The following CLASP1 variants were observed in gnomAD, a reference collection of about 807,000 sequenced individuals.
CLASP1 encodes cytoplasmic linker associated protein 1.
A neutral mutation model predicts 192.3 loss-of-function variants in CLASP1; 38 were observed. That is an observed-to-expected ratio of 0.20 (90% CI 0.15 to 0.26). CLASP1 has a LOEUF of 0.26. Ranked by LOEUF, CLASP1 falls within the 10% of genes least tolerant of loss-of-function variation. CLASP1 has a pLI of 1.00. For missense variants in CLASP1, 1,433 were observed against 1,932.5 expected (o/e 0.74, Z 4.85); for synonymous variants, 691 against 712.8 (o/e 0.97, Z 0.49).
chr2:121,438,815 G>A (rs2082759762), intron 19 of CLASP1, among the ~76,000 whole-genome samples: 1 of 150,874 alleles, frequency 6.6e-6, no homozygotes, highest in African/African-American at 2.4e-5. Context: ...TCTCTGCCTG[G>A]CTTTGGTATC....
At chr2:121,371,658 G>A (rs2068760721) in intron 34 of CLASP1, among the ~76,000 whole-genome samples, 1 of 152,034 alleles carries the variant, frequency 6.6e-6, no homozygotes, top group Admixed American at 6.6e-5. Flanking sequence ...TCCTTCCACT[G>A]CCCTGAGAAA....
At chr2:121,377,524 C>A (rs774450164) in exon 34 of CLASP1, 9 of 1,604,744 alleles carry the variant, frequency 5.6e-6, no homozygotes, top group Non-Finnish European at 2.6e-6. Context: ...TTTGCCATCT[C>A]GTTTAATTGG....
intron 25 of CLASP1, 35 bp downstream of exon 26, chr2:121,407,436 T>C: frequency 3.7e-6 from 6 of 1,611,316 alleles, no homozygotes; most frequent in Non-Finnish European, 5.1e-6. Flanking sequence ...AACAGGAGAT[T>C]CAAACTTAGC....
At chr2:121,524,705 C>T (rs1333959969) in intron 6 of CLASP1, among the ~76,000 whole-genome samples, 2 of 152,182 alleles carry the variant, frequency 1.3e-5, no homozygotes, top group African/African-American at 2.4e-5. Context: ...GATCCACCCA[C>T]CTTGGCCTCC....
intron 8 of CLASP1, among the ~76,000 whole-genome samples, chr2:121,480,201 C>T (rs750338023): frequency 4.6e-5 from 7 of 152,144 alleles, no homozygotes; most frequent in East Asian, 1.9e-4. Context: ...TCAAATGGGA[C>T]GACACCGGGG....
chr2:121,372,749 T>C (rs879565590), intron 34 of CLASP1, among the ~76,000 whole-genome samples: 1 of 152,212 alleles, frequency 6.6e-6, no homozygotes, highest in Admixed American at 6.5e-5. Flanking sequence ...ACTATGCCAC[T>C]TCCCTGCTTA....
chr2:121,442,729 T>G (rs895970960), intron 19 of CLASP1, among the ~76,000 whole-genome samples: 3 of 152,192 alleles, frequency 2.0e-5, no homozygotes, highest in African/African-American at 7.2e-5. Context: ...ATTCACCTGC[T>G]TGGCCTCCCA....
intron 1 of CLASP1, among the ~76,000 whole-genome samples, chr2:121,646,389 T>A (rs2073187068): frequency 6.6e-6 from 1 of 152,226 alleles, no homozygotes; most frequent in Non-Finnish European, 1.5e-5. Context: ...ATTACAGATG[T>A]AAGCCACTGC....
At position 121,597,605 on chromosome 2, in the gene CLASP1, G is replaced by A. The variant is rs1433632355; in HGVS notation, c.195+8096C>T. On this transcript the variant is annotated intron_variant, in intron 2 of 39. Coordinates refer to ENST00000263710, the Ensembl canonical transcript of CLASP1. The stretch of plus-strand genomic sequence containing the variant: ...ACAGACTATAAATAGTCTCATGTTA[G>A]TTCACTTCAGGTCAAATGGCAAATT... 2.0e-5 allele frequency among the ~76,000 whole-genome samples: 3 copies of A among 152,296 alleles called. No individual in the cohort carries two copies. The South Asian group carries it at 6.2e-4, about 32-fold the overall frequency.
At chr2:121,527,582 T>C (rs1031549853) in intron 5 of CLASP1, among the ~76,000 whole-genome samples, 1 of 152,096 alleles carries the variant, frequency 6.6e-6, no homozygotes, top group Non-Finnish European at 1.5e-5. Flanking sequence ...CCTGAGAAAT[T>C]TGCGCAAGTT....
At chr2:121,428,890 T>C (rs1280721495) in intron 20 of CLASP1, among the ~76,000 whole-genome samples, 1 of 152,210 alleles carries the variant, frequency 6.6e-6, no homozygotes, top group African/African-American at 2.4e-5. Flanking sequence ...GGGTGGGAAC[T>C]GTTATCACTC....
chr2:121,496,640 G>A (rs748797455), intron 8 of CLASP1, among the ~76,000 whole-genome samples: 1 of 152,154 alleles, frequency 6.6e-6, no homozygotes, highest in Non-Finnish European at 1.5e-5. Flanking sequence ...CAGCCTGCAA[G>A]GTATCTGAGC....
chr2:121,527,329 G>C (rs748938187), intron 5 of CLASP1, among the ~76,000 whole-genome samples: 1 of 152,090 alleles, frequency 6.6e-6, no homozygotes, highest in Admixed American at 6.6e-5. Context: ...TCAAATGTCA[G>C]GTGCAAACTC....
At chr2:121,373,711 C>T (rs986558202) in intron 34 of CLASP1, among the ~76,000 whole-genome samples, 3 of 152,112 alleles carry the variant, frequency 2.0e-5, no homozygotes, top group African/African-American at 4.8e-5. Flanking sequence ...AGCACTGTGC[C>T]CCTGCCCTAC....
intron 39 of CLASP1, 33 bp downstream of exon 40, chr2:121,347,005 T>G (rs758797191): frequency 1.5e-6 from 2 of 1,317,054 alleles, no homozygotes; most frequent in Non-Finnish European, 2.1e-6. Flanking sequence ...AGAGCCCAGG[T>G]GTGCGTATCA....
chr2:121,622,333 G>A (rs2067505444), intron 1 of CLASP1, among the ~76,000 whole-genome samples: 2 of 151,888 alleles, frequency 1.3e-5, no homozygotes, highest in Admixed American at 1.3e-4. Context: ...CACTTTGGGA[G>A]GTCGAGGCAG....
chr2:121,404,497 C>CAAAA, intron 25 of CLASP1, 63 bp from the exon 27 acceptor site: 3 of 1,418,432 alleles, frequency 2.1e-6, no homozygotes, highest in Non-Finnish European at 2.9e-6. Flanking sequence ...GACAGGGTCT[C>CAAAA]ACTCTATTAC....
At chr2:121,364,920 A>G in intron 36 of CLASP1, 174 bp downstream of exon 37, 1 of 668,922 alleles carries the variant, frequency 1.5e-6, no homozygotes, top group Non-Finnish European at 2.6e-6. Context: ...GCTGATAAAA[A>G]CATGACCTTA....
chr2:121,566,924 A>G (rs1559630933), intron 2 of CLASP1, among the ~76,000 whole-genome samples: 1 of 152,166 alleles, frequency 6.6e-6, no homozygotes. Context: ...TGCTTAAAAA[A>G]CAGCTTAACA....
Sources: gnomAD v4.1 joint callset for allele counts (sites outside exome capture counted in the v4.1 genomes callset) on GRCh38, gnomAD v4.1.1 for gene constraint, MANE v1.5 for transcripts, NCBI Gene and HGNC (gene_info 2026-07-23, HGNC 2026-07-21) for gene names.